The following ZDHHC2 variants were observed in gnomAD, a reference collection of about 807,000 sequenced individuals.
ZDHHC2 encodes zDHHC palmitoyltransferase 2.
ZDHHC2 carries 51 observed loss-of-function variants against 55.6 expected under a neutral mutation model. The observed-to-expected ratio is 0.92, with a 90% CI of 0.73 to 1.16. The LOEUF (loss-of-function observed/expected upper bound fraction) is 1.16. ZDHHC2 is among the 50% of genes most tolerant of loss of function. The pLI is 0.00. For missense variants in ZDHHC2, 491 were observed against 442.4 expected (o/e 1.11, Z -0.99); for synonymous variants, 199 against 152.9 (o/e 1.30, Z -2.22).
chr8:17,174,333 C>T (rs1489089764), intron 1 of ZDHHC2, among the ~76,000 whole-genome samples: 1 of 152,102 alleles, frequency 6.6e-6, no homozygotes, highest in African/African-American at 2.4e-5. Flanking sequence ...TATTTAAGGC[C>T]CATAGTCTGT....
At chr8:17,217,369 G>C (rs759772888) in intron 12 of ZDHHC2, 123 bp downstream of exon 12, 1 of 709,402 alleles carries the variant, frequency 1.4e-6, no homozygotes, top group Admixed American at 3.1e-5. Context: ...TCTTTTACCT[G>C]ACTTGTGAGA....
intron 3 of ZDHHC2, among the ~76,000 whole-genome samples, chr8:17,189,127 G>GTTTTTTTTTTTTTTT (rs33942303): frequency 1.2e-5 from 1 of 83,758 alleles, no homozygotes; most frequent in Non-Finnish European, 2.3e-5. Context: ...GTTTTGTTAT[G>GTTTTTTTTTTTTTTT]TTTTTTTTTT....
chr8:17,184,772 T>C lies in ZDHHC2; in HGVS notation c.131-17T>C, dbSNP rs926042097. 2.6e-6 allele frequency: 4 copies of C among 1,543,678 alleles called. 1 individual carries two copies. Among genetic ancestry groups the C allele is most frequent in the South Asian group, 1.2e-5 (1 of 82,626 alleles). The stretch of plus-strand genomic sequence containing the variant: ...CATAAGCTTCATGTAACCTATTACC[T>C]TTTTTTCTCTTTACAGTGTCCATGG... On this transcript the variant is annotated splice_polypyrimidine_tract_variant and intron_variant, in intron 1 of 12. Transcript: ENST00000262096.
chr8:17,173,000 G>GT (rs1472243249), intron 1 of ZDHHC2, among the ~76,000 whole-genome samples: 2 of 152,188 alleles, frequency 1.3e-5, no homozygotes, highest in African/African-American at 2.4e-5. Flanking sequence ...GTTTGCAGAG[G>GT]TTTTAAGTTG....
intron 2 of ZDHHC2, among the ~76,000 whole-genome samples, chr8:17,186,107 A>G (rs1289223766): frequency 6.6e-6 from 1 of 152,182 alleles, no homozygotes; most frequent in African/African-American, 2.4e-5. Context: ...GCTTTTATTC[A>G]TGGGCATAGA....
chr8:17,176,624 G>T (rs1433383678), intron 1 of ZDHHC2, among the ~76,000 whole-genome samples: 1 of 152,162 alleles, frequency 6.6e-6, no homozygotes, highest in African/African-American at 2.4e-5. Flanking sequence ...TGGAGTCCAG[G>T]TCTCCTACCA....
intron 10 of ZDHHC2, 41 bp downstream of exon 10, chr8:17,210,521 AT>A (rs1473018335): frequency 4.8e-5 from 72 of 1,511,734 alleles, no homozygotes; most frequent in Non-Finnish European, 6.0e-5. Flanking sequence ...CAAATAAGAT[AT>A]TTTACCATAT....
At chr8:17,213,989 TAAG>T (rs986434693) in intron 10 of ZDHHC2, among the ~76,000 whole-genome samples, 11 of 152,172 alleles carry the variant, frequency 7.2e-5, no homozygotes, top group Admixed American at 1.3e-4. Flanking sequence ...ATGAGGTAAT[TAAG>T]AAGAAAAAGC....
At chr8:17,161,585 C>T (rs181004605) in intron 1 of ZDHHC2, among the ~76,000 whole-genome samples, 81 of 152,294 alleles carry the variant, frequency 5.3e-4, no homozygotes, top group African/African-American at 1.8e-3. Flanking sequence ...TTGGCCAGCA[C>T]GGTGGCTCAC....
rs927788184 is a variant in ZDHHC2 at position 17,223,713 on chromosome 8, C to T, written c.*3492C>T. 1.3e-5 allele frequency: 2 copies of T among 151,784 alleles called. No homozygotes were observed. The highest frequency in any genetic ancestry group is 1.5e-5 in the Non-Finnish European group (1 of 67,758). The allele number at this position is 151,784 out of a possible 1,614,324, so 9.4% of individuals were successfully genotyped here. On this transcript the variant is annotated 3_prime_UTR_variant, in exon 13 of 13. Coordinates refer to ENST00000262096, the MANE Select transcript of ZDHHC2 (RefSeq NM_016353.5). ...ATGAAAAGCATTAAGTAGAAGCCAACATTAACCTAGATTTTACAACTGAGC... is the reference window on the plus strand; with the variant it reads ...ATGAAAAGCATTAAGTAGAAGCCAATATTAACCTAGATTTTACAACTGAGC...
At chr8:17,173,509 C>T (rs1804970191) in intron 1 of ZDHHC2, among the ~76,000 whole-genome samples, 1 of 151,042 alleles carries the variant, frequency 6.6e-6, no homozygotes, top group Non-Finnish European at 1.5e-5. Context: ...GATGCTATCG[C>T]TACAAAAAAA....
At chr8:17,169,506 A>G (rs1804753205) in intron 1 of ZDHHC2, among the ~76,000 whole-genome samples, 1 of 152,182 alleles carries the variant, frequency 6.6e-6, no homozygotes, top group South Asian at 2.1e-4. Flanking sequence ...TCTTGAAAGA[A>G]CATATTAGCA....
chr8:17,220,572 A>C lies in ZDHHC2; in HGVS notation c.*351A>C, dbSNP rs529456138. ...CAGTTTATCACATAGAAACTCCATTAATCATCTGATTTTCCGAATCTGAAA... is the reference window on the plus strand; with the variant it reads ...CAGTTTATCACATAGAAACTCCATTCATCATCTGATTTTCCGAATCTGAAA... On this transcript the variant is annotated 3_prime_UTR_variant, in exon 13 of 13. Transcript: ENST00000262096. 2 of 152,346 alleles carry C rather than the reference A, an allele frequency of 1.3e-5. No homozygotes were observed. The highest frequency in any genetic ancestry group is 3.9e-4 in the East Asian group (2 of 5,190). 9.4% of individuals were successfully genotyped at this position (152,346 alleles called of 1,614,324 possible).
chr8:17,161,007 C>A (rs1158641915), intron 1 of ZDHHC2, among the ~76,000 whole-genome samples: 1 of 152,216 alleles, frequency 6.6e-6, no homozygotes, highest in African/African-American at 2.4e-5. Context: ...GCAGTGATTG[C>A]AGCCTGTTAT....
At chr8:17,158,885 A>C (rs931066072) in intron 1 of ZDHHC2, among the ~76,000 whole-genome samples, 2 of 152,252 alleles carry the variant, frequency 1.3e-5, no homozygotes, top group African/African-American at 2.4e-5. Flanking sequence ...GTCTTGAATA[A>C]ACAAATAAAT....
rs1203350789 is a variant in ZDHHC2, at chr8:17,156,652, G to A, written c.-72G>A. The A allele has an allele frequency of 2.5e-5, 29 of 1,143,050 alleles. No homozygotes were observed. In the East Asian group the frequency reaches 1.2e-3, roughly 46 times the overall value. The allele number at this position is 1,143,050 out of a possible 1,614,324, so 70.8% of individuals were successfully genotyped here. A position where few individuals can be genotyped will look rare whatever the true frequency, so the allele number is the denominator to read the frequency against. ...GGAGCCCGTCCAGCCAGGGGTGCCG[G>A]GCCCGCCCAGCCCGCCCCGGAGCCA... On this transcript the variant is annotated 5_prime_UTR_variant, in exon 1 of 13. Transcript: ENST00000262096.
intron 3 of ZDHHC2, among the ~76,000 whole-genome samples, chr8:17,189,938 G>A (rs766103788): frequency 6.6e-6 from 1 of 152,120 alleles, no homozygotes; most frequent in Non-Finnish European, 1.5e-5. Flanking sequence ...CTGTGTGGGA[G>A]AGCTAAGGTT....
chr8:17,188,422 T>C (rs1249224213), intron 3 of ZDHHC2, among the ~76,000 whole-genome samples: 1 of 152,194 alleles, frequency 6.6e-6, no homozygotes, highest in Non-Finnish European at 1.5e-5. Flanking sequence ...ACTCTAGTAG[T>C]TCTTAACTAC....
Position 17,212,705 on chromosome 8 carries a change from A to C in ZDHHC2, c.950+2225A>C, listed in dbSNP as rs541793659. Among the ~76,000 whole-genome samples, 3 of 152,258 alleles carry C rather than the reference A, an allele frequency of 2.0e-5. No individual in the cohort carries two copies. The East Asian group carries it at 5.8e-4, about 29-fold the overall frequency. ...GTCAGATTGTGTCACTCTTCTGCTG[A>C]AAGCTCTATTAGTTTCCCATCTTAC... On this transcript the variant is annotated intron_variant, in intron 10 of 12. Coordinates refer to ENST00000262096, the MANE Select transcript of ZDHHC2 (RefSeq NM_016353.5).
Sources: allele counts gnomAD v4.1 joint callset (sites outside exome capture counted in the v4.1 genomes callset), GRCh38; gene constraint gnomAD v4.1.1; transcripts MANE v1.5; gene names NCBI Gene and HGNC (gene_info 2026-07-23, HGNC 2026-07-21).